LINGO1: variants seen among roughly 807,000 people sequenced by gnomAD.
The protein encoded by LINGO1 is leucine-rich repeat and immunoglobulin-like domain-containing nogo receptor-interacting protein 1.
In LINGO1, 11 loss-of-function variants were observed where a neutral mutation model predicts 37.3. That is an observed-to-expected ratio of 0.29 (90% CI 0.19 to 0.49). The LOEUF (loss-of-function observed/expected upper bound fraction) is 0.49, where lower values mean the gene tolerates loss of function less well. Ranked by LOEUF, LINGO1 falls within the 20% of genes least tolerant of loss-of-function variation. LINGO1 has a pLI of 0.99. For synonymous variants in LINGO1, 387 were observed against 403.0 expected (o/e 0.96, Z 0.48); for missense variants, 585 against 878.2 (o/e 0.67, Z 4.22).
intron 3 of LINGO1, among the ~76,000 whole-genome samples, chr15:77,671,434 G>T (rs188313571): frequency 2.6e-5 from 4 of 152,194 alleles, no homozygotes; most frequent in East Asian, 1.9e-4. Context: ...TCCCAGGAAG[G>T]CTAAGCCAGA....
chr15:77,663,698 T>G (rs892713989), intron 3 of LINGO1, among the ~76,000 whole-genome samples: 3 of 152,156 alleles, frequency 2.0e-5, no homozygotes, highest in African/African-American at 7.2e-5. Context: ...GGGGGTGCGC[T>G]TACACGCCCC....
intron 1 of LINGO1, among the ~76,000 whole-genome samples, chr15:77,784,250 A>G (rs770364206): frequency 3.9e-5 from 6 of 152,236 alleles, no homozygotes; most frequent in Non-Finnish European, 8.8e-5. Flanking sequence ...CACCCTAGCC[A>G]AAGGCACAGA....
chr15:77,737,195 T>C (rs1414188951), intron 1 of LINGO1, among the ~76,000 whole-genome samples: 1 of 152,224 alleles, frequency 6.6e-6, no homozygotes, highest in South Asian at 2.1e-4. Context: ...ATAAAACATC[T>C]GTACTGATCT....
chr15:77,617,893 C>G (rs911659177), intron 1 of LINGO1, among the ~76,000 whole-genome samples: 15 of 152,328 alleles, frequency 9.8e-5, no homozygotes, highest in African/African-American at 3.6e-4. Context: ...TGCAAGGGTT[C>G]TGTTATCCCC....
chr15:77,775,760 C>T (rs939721644), intron 1 of LINGO1, among the ~76,000 whole-genome samples: 1 of 151,630 alleles, frequency 6.6e-6, no homozygotes, highest in African/African-American at 2.4e-5. Context: ...AGTTAGTTTC[C>T]TAAGTCTGAA....
intron 2 of LINGO1, among the ~76,000 whole-genome samples, chr15:77,678,565 T>C (rs767538946): frequency 3.3e-5 from 5 of 152,262 alleles, no homozygotes; most frequent in East Asian, 1.9e-4. Context: ...CATTCAGCAG[T>C]TGAAGGGCAT....
At chr15:77,640,824 CTCCTCAT>C (rs1215139776) in intron 3 of LINGO1, among the ~76,000 whole-genome samples, 3 of 122,060 alleles carry the variant, frequency 2.5e-5, no homozygotes, top group East Asian at 5.3e-4. Context: ...ATCCATTCAT[CTCCTCAT>C]TCATTCATTC....
chr15:77,638,740 G>A (rs1322972041), upstream of LINGO1, among the ~76,000 whole-genome samples: 1 of 152,150 alleles, frequency 6.6e-6, no homozygotes, highest in African/African-American at 2.4e-5. Context: ...TGACTCCTGT[G>A]TCACCCTAGG....
intron 2 of LINGO1, among the ~76,000 whole-genome samples, chr15:77,710,440 C>T (rs185768315): frequency 6.6e-6 from 1 of 152,318 alleles, no homozygotes; most frequent in East Asian, 1.9e-4. Flanking sequence ...AATTAAGAAC[C>T]GCTTTGAACA....
intron 2 of LINGO1, among the ~76,000 whole-genome samples, chr15:77,705,261 T>A (rs990482822): frequency 6.7e-6 from 1 of 149,990 alleles, no homozygotes; most frequent in South Asian, 2.1e-4. Flanking sequence ...ACCAGTTTTA[T>A]TCCCTGACCA....
intron 3 of LINGO1, among the ~76,000 whole-genome samples, chr15:77,662,567 G>A (rs78409327): frequency 0.027 from 4,060 of 152,156 alleles, 206 homozygotes; most frequent in African/African-American, 0.092. Flanking sequence ...TCAAGGCCAA[G>A]GACTAGCTTC....
chr15:77,775,550 G>A lies in LINGO1; in HGVS notation c.-257+11319C>T, dbSNP rs112929564. On this transcript the variant is annotated intron_variant, in intron 1 of 3. Transcript: ENST00000561686. ...AATGAGAAGACTTAAGGAAAGCCTC[G>A]GCCCCAGCAGCTCTGGTAGTGTGGG... Among the ~76,000 whole-genome samples the A allele has an allele frequency of 1.7e-3, 261 of 152,130 alleles. 2 individuals carry two copies. Among genetic ancestry groups the A allele is most frequent in the African/African-American group, 5.9e-3 (245 of 41,438 alleles).
At chr15:77,780,763 T>C (rs1236350510) in intron 1 of LINGO1, among the ~76,000 whole-genome samples, 1 of 151,972 alleles carries the variant, frequency 6.6e-6, no homozygotes, top group African/African-American at 2.4e-5. Context: ...CACATAACAC[T>C]TGCTCTCCTC....
intron 1 of LINGO1, 34 bp from the exon 2 acceptor site, chr15:77,615,934 C>T (rs1027805490): frequency 1.1e-5 from 16 of 1,415,774 alleles, no homozygotes; most frequent in South Asian, 3.1e-5. Context: ...ACAGAGGTGG[C>T]GGTTAGGGGG....
chr15:77,748,913 T>C (rs1200776315), intron 1 of LINGO1, among the ~76,000 whole-genome samples: 1 of 90,410 alleles, frequency 1.1e-5, no homozygotes, highest in African/African-American at 3.6e-5. Context: ...CCTTCTCTTT[T>C]TTTTTTTTTT....
At chr15:77,674,475 C>T (rs919245393) in intron 3 of LINGO1, among the ~76,000 whole-genome samples, 4 of 152,184 alleles carry the variant, frequency 2.6e-5, no homozygotes, top group Non-Finnish European at 5.9e-5. Flanking sequence ...GGCCTGCAGG[C>T]CCTGAGTGAT....
intron 1 of LINGO1, among the ~76,000 whole-genome samples, chr15:77,741,840 A>G (rs2076267733): frequency 1.3e-5 from 2 of 152,240 alleles, no homozygotes; most frequent in African/African-American, 4.8e-5. Flanking sequence ...AGCCTGGCCT[A>G]GAATGTTCTC....
chr15:77,799,032 G>C (rs986081425), intron 1 of LINGO1, among the ~76,000 whole-genome samples: 1 of 152,116 alleles, frequency 6.6e-6, no homozygotes, highest in African/African-American at 2.4e-5. Context: ...AGAGGCCCAC[G>C]CCCACTGTAC....
intron 1 of LINGO1, among the ~76,000 whole-genome samples, chr15:77,695,084 G>A (rs1031909508): frequency 7.9e-5 from 12 of 152,202 alleles, no homozygotes; most frequent in Non-Finnish European, 1.5e-5. Flanking sequence ...CACTTTTCAG[G>A]TGAGGCAGTG....
Sources: gnomAD v4.1 joint callset for allele counts (sites outside exome capture counted in the v4.1 genomes callset) on GRCh38, gnomAD v4.1.1 for gene constraint, MANE v1.5 for transcripts, NCBI Gene and HGNC (gene_info 2026-07-23, HGNC 2026-07-21) for gene names.